The following PCDH15 variants were observed in gnomAD, a reference collection of about 807,000 sequenced individuals.
The protein encoded by PCDH15 is protocadherin-15.
In PCDH15, 129 loss-of-function variants were observed where a neutral mutation model predicts 178.5. The observed-to-expected ratio is 0.72, with a 90% CI of 0.63 to 0.84. The LOEUF (loss-of-function observed/expected upper bound fraction) is 0.84, where lower values mean the gene tolerates loss of function less well. Among genes scored for constraint, PCDH15 ranks in the 40% least tolerant of loss-of-function variants. The probability of loss-of-function intolerance (pLI) is 0.00; values close to 1 mark genes in which losing one functional copy is unlikely to be tolerated. For synonymous variants in PCDH15, 800 were observed against 732.0 expected (o/e 1.09, Z -1.50); for missense variants, 2,230 against 2,099.9 (o/e 1.06, Z -1.21).
intron 1 of PCDH15, among the ~76,000 whole-genome samples, chr10:54,727,686 T>G (rs117072681): frequency 2.2e-3 from 329 of 151,334 alleles, no homozygotes; most frequent in South Asian, 4.6e-3. Context: ...ATTAATAGAC[T>G]GGTAGCTAGA....
intron 17 of PCDH15, among the ~76,000 whole-genome samples, chr10:54,071,888 TAA>T (rs1220006500): frequency 3.9e-5 from 6 of 152,114 alleles, no homozygotes; most frequent in Admixed American, 3.3e-4. Flanking sequence ...TCAGAAATAA[TAA>T]AGACATTATT....
At chr10:54,626,026 A>C (rs1388924879) in intron 2 of PCDH15, among the ~76,000 whole-genome samples, 1 of 152,158 alleles carries the variant, frequency 6.6e-6, no homozygotes, top group African/African-American at 2.4e-5. Flanking sequence ...TGTTTTAGCA[A>C]AGAGACTGGC....
At chr10:55,001,935 G>A (rs1839804382) in intron 2 of PCDH15, among the ~76,000 whole-genome samples, 2 of 152,198 alleles carry the variant, frequency 1.3e-5, no homozygotes. Flanking sequence ...AATGGATTAA[G>A]TAGTAATAAA....
intron 2 of PCDH15, among the ~76,000 whole-genome samples, chr10:55,007,474 A>T (rs180907050): frequency 7.7e-4 from 105 of 135,802 alleles, no homozygotes; most frequent in African/African-American, 2.7e-3. Flanking sequence ...TTAAACTGAT[A>T]AACTAATATT....
chr10:55,330,818 TTAAA>T (rs980827396), intron 2 of PCDH15, among the ~76,000 whole-genome samples: 12 of 146,578 alleles, frequency 8.2e-5, no homozygotes, highest in Middle Eastern at 3.5e-3. Flanking sequence ...ATTATCTCTC[TTAAA>T]TAGATAGATT....
chr10:54,025,775 G>T (rs2093065830), intron 18 of PCDH15, among the ~76,000 whole-genome samples: 1 of 152,090 alleles, frequency 6.6e-6, no homozygotes, highest in Non-Finnish European at 1.5e-5. Context: ...GGGATTACAG[G>T]CGTGAGCCAC....
chr10:55,370,412 G>A (rs1442008187), intron 2 of PCDH15, among the ~76,000 whole-genome samples: 1 of 152,048 alleles, frequency 6.6e-6, no homozygotes, highest in Non-Finnish European at 1.5e-5. Context: ...CACTAATCAT[G>A]CCTTTTTCTT....
At chr10:54,069,917 TATA>T (rs2094207820) in intron 17 of PCDH15, among the ~76,000 whole-genome samples, 2 of 152,280 alleles carry the variant, frequency 1.3e-5, no homozygotes, top group African/African-American at 4.8e-5. Flanking sequence ...TGAATATATA[TATA>T]ATGCCAGTTA....
intron 2 of PCDH15, among the ~76,000 whole-genome samples, chr10:55,344,287 C>G (rs149041342): frequency 2.0e-5 from 3 of 151,946 alleles, no homozygotes; most frequent in Non-Finnish European, 4.4e-5. Flanking sequence ...TATAGATAGC[C>G]GTTAGAAAAT....
intron 1 of PCDH15, among the ~76,000 whole-genome samples, chr10:55,257,461 G>C (rs1251942329): frequency 1.3e-5 from 2 of 152,060 alleles, no homozygotes; most frequent in Non-Finnish European, 2.9e-5. Flanking sequence ...TGGCAAAGAA[G>C]TTAAAAACCT....
intron 8 of PCDH15, among the ~76,000 whole-genome samples, chr10:54,240,094 T>C (rs1055565080): frequency 1.3e-5 from 2 of 152,102 alleles, no homozygotes; most frequent in African/African-American, 4.8e-5. Context: ...ATGCATTATG[T>C]TTGAACTTCT....
At chr10:55,071,428 A>C (rs1355472664) in intron 2 of PCDH15, among the ~76,000 whole-genome samples, 2 of 152,162 alleles carry the variant, frequency 1.3e-5, no homozygotes, top group Non-Finnish European at 2.9e-5. Flanking sequence ...GAAAACAAAA[A>C]AAGGCAGGGG....
At chr10:54,466,295 T>C (rs1037020858) in intron 3 of PCDH15, among the ~76,000 whole-genome samples, 12 of 151,942 alleles carry the variant, frequency 7.9e-5, no homozygotes, top group Non-Finnish European at 1.5e-4. Context: ...TTTCTTCCAG[T>C]AGTTTTATAA....
intron 1 of PCDH15, among the ~76,000 whole-genome samples, chr10:55,257,414 CA>C (rs1340430110): frequency 6.6e-6 from 1 of 152,054 alleles, no homozygotes; most frequent in Non-Finnish European, 1.5e-5. Flanking sequence ...TTCAGACGAT[CA>C]AACTACTCTG....
intron 25 of PCDH15, among the ~76,000 whole-genome samples, chr10:53,934,678 C>A (rs117359783): frequency 6.6e-6 from 1 of 151,936 alleles, no homozygotes. Context: ...TCAAACTGTG[C>A]AAATGCTATA....
At position 54,307,098 on chromosome 10, in the gene PCDH15, GTGTGTGTATA is replaced by G. The variant is rs1564922708; in HGVS notation, c.876+10163_876+10172del. Among the ~76,000 whole-genome samples the G allele has an allele frequency of 5.9e-3, 80 of 13,572 alleles. 9 individuals carry two copies. The highest frequency in any genetic ancestry group is 0.022 in the African/African-American group (57 of 2,622). The allele number at this position is 13,572 out of a possible 152,430, so 8.9% of individuals were successfully genotyped here. Reference sequence around the variant, plus strand: ...TATATATACATATATATATATGTGTGTGTGTGTATATATATATATATATATATATATATAT... The same window carrying G: ...TATATATACATATATATATATGTGTGTATATATATATATATATATATATAT... On this transcript the variant is annotated intron_variant, in intron 8 of 37. Transcript: ENST00000644397.
At chr10:54,559,603 AT>A (rs1171833083) in intron 2 of PCDH15, among the ~76,000 whole-genome samples, 6 of 151,766 alleles carry the variant, frequency 4.0e-5, no homozygotes, top group African/African-American at 7.3e-5. Flanking sequence ...ATATGATTGA[AT>A]TTTTTTTCTA....
chr10:55,595,389 C>G (rs1309640544), intron 2 of PCDH15, among the ~76,000 whole-genome samples: 2 of 151,986 alleles, frequency 1.3e-5, no homozygotes, highest in Non-Finnish European at 2.9e-5. Flanking sequence ...TATATGCACA[C>G]CTGGCCTCAT....
chr10:55,529,707 A>ATG (rs1289942504), intron 2 of PCDH15, among the ~76,000 whole-genome samples: 18 of 139,236 alleles, frequency 1.3e-4, no homozygotes, highest in African/African-American at 4.5e-4. Flanking sequence ...AAATATATAT[A>ATG]TGTGTGTATA....
Sources: allele counts gnomAD v4.1 joint callset (sites outside exome capture counted in the v4.1 genomes callset), GRCh38; gene constraint gnomAD v4.1.1; transcripts MANE v1.5; gene names NCBI Gene and HGNC (gene_info 2026-07-23, HGNC 2026-07-21).